Variants in CNNM1 observed in about 807,000 individuals in gnomAD.
CNNM1 encodes cyclin and CBS domain divalent metal cation transport mediator 1.
In CNNM1, 44 loss-of-function variants were observed where a neutral mutation model predicts 78.8. The observed-to-expected ratio is 0.56, with a 90% CI of 0.44 to 0.72. CNNM1 has a LOEUF of 0.72. Among genes scored for constraint, CNNM1 ranks in the 30% least tolerant of loss-of-function variants. The pLI, the probability that CNNM1 is intolerant of heterozygous loss-of-function variation, is 0.00. For synonymous variants in CNNM1, 584 were observed against 581.5 expected, an observed-to-expected ratio of 1.00 and a Z score of -0.06; for missense variants, 1,101 against 1,292.2, an observed-to-expected ratio of 0.85 and a Z score of 2.27.
Position 99,387,853 on chromosome 10 carries a change from G to C in CNNM1, c.2374G>C (p.Ala792Pro). 1 of 1,610,970 alleles carries C rather than the reference G, an allele frequency of 6.2e-7. No homozygotes were observed. The highest frequency in any genetic ancestry group is 8.5e-7 in the Non-Finnish European group (1 of 1,178,468). Reference sequence around the variant, plus strand: ...GCAGCAATATCAGAACGCACTCACTGCCTGCCACATGGACAGCTCACCTCA... The same window carrying C: ...GCAGCAATATCAGAACGCACTCACTCCCTGCCACATGGACAGCTCACCTCA... ...TRQQYQNALT[A>P]CHMDSSPQSP... Residue 792 changes from alanine to proline, a missense_variant, in exon 8 of 11, where the codon GCC becomes CCC. Transcript: ENST00000356713.
intron 6 of CNNM1, among the ~76,000 whole-genome samples, chr10:99,365,637 TG>T (rs1228616543): frequency 6.6e-6 from 1 of 152,208 alleles, no homozygotes; most frequent in Admixed American, 6.5e-5. Flanking sequence ...TTATTGCACT[TG>T]TGCTTAAAGG....
chr10:99,338,730 C>T (rs969827462), intron 1 of CNNM1, among the ~76,000 whole-genome samples: 1 of 151,980 alleles, frequency 6.6e-6, no homozygotes, highest in Non-Finnish European at 1.5e-5. Flanking sequence ...AATATTTTGT[C>T]ATATTAAAAA....
chr10:99,381,829 T>C (rs2032173588), intron 7 of CNNM1, among the ~76,000 whole-genome samples: 1 of 151,988 alleles, frequency 6.6e-6, no homozygotes, highest in Non-Finnish European at 1.5e-5. Flanking sequence ...CAAGCTCTTT[T>C]TTTTAACACA....
chr10:99,374,934 A>T (rs554509047), intron 6 of CNNM1, among the ~76,000 whole-genome samples: 46 of 152,360 alleles, frequency 3.0e-4, no homozygotes, highest in African/African-American at 1.1e-3. Flanking sequence ...GGGAGTCATG[A>T]TAGAGGAGAA....
chr10:99,338,953 TAC>T (rs1311893284), intron 1 of CNNM1, among the ~76,000 whole-genome samples: 1 of 152,234 alleles, frequency 6.6e-6, no homozygotes, highest in Non-Finnish European at 1.5e-5. Flanking sequence ...AGATTTATCA[TAC>T]TTCTTAAATT....
Position 99,329,799 on chromosome 10 carries a change from G to T in CNNM1, c.412G>T (p.Asp138Tyr), listed in dbSNP as rs900337759. ...ACCGCAGCGCTGCAGGGAGCAGAGC[G>T]ACTGGGCATCGGACGTGGAAGTCCT... ...PGPQRCREQS[D>Y]WASDVEVLGP... The change falls in exon 1 of 11, where the codon GAC becomes TAC. Residue 138 changes from aspartate (D) to tyrosine (Y), a missense_variant. Coordinates refer to ENST00000356713, the MANE Select transcript of CNNM1 (RefSeq NM_020348.3). 6 of 1,474,064 alleles carry T rather than the reference G, an allele frequency of 4.1e-6. No individual in the cohort carries two copies. The highest frequency in any genetic ancestry group is 1.5e-5 in the African/African-American group (1 of 67,970). The allele number at this position is 1,474,064 out of a possible 1,614,324, so 91.3% of individuals were successfully genotyped here. A position where few individuals can be genotyped will look rare whatever the true frequency, so the allele number is the denominator to read the frequency against.
chr10:99,388,151 G>A lies in CNNM1; in HGVS notation c.2525-1G>A, dbSNP rs1185975932. On this transcript the variant is annotated splice_acceptor_variant, in intron 8 of 10. Coordinates refer to ENST00000356713, the MANE Select transcript of CNNM1 (RefSeq NM_020348.3). LOFTEE classifies it high-confidence loss of function. ...GGTGATGCACTCACTGTCCTCCCCA[G>A]GCAGCCGCTCAGACGGGCTGAGAAG... is the stretch of plus-strand genomic sequence containing the variant. 6.2e-7 allele frequency: 1 copy of A among 1,613,798 alleles called. No individual in the cohort carries two copies. The highest frequency in any genetic ancestry group is 8.5e-7 in the Non-Finnish European group (1 of 1,179,854).
intron 7 of CNNM1, among the ~76,000 whole-genome samples, chr10:99,380,928 T>C (rs1407165239): frequency 6.6e-6 from 1 of 152,200 alleles, no homozygotes; most frequent in African/African-American, 2.4e-5. Flanking sequence ...AGTTTCAGTG[T>C]TGAAAACCCC....
chr10:99,366,730 C>A (rs965166108), intron 6 of CNNM1, among the ~76,000 whole-genome samples: 2 of 152,002 alleles, frequency 1.3e-5, no homozygotes, highest in African/African-American at 4.8e-5. Flanking sequence ...TGCAGTGAGC[C>A]AAGATCATGC....
intron 6 of CNNM1, among the ~76,000 whole-genome samples, chr10:99,370,432 C>T (rs2031761223): frequency 6.6e-6 from 1 of 152,188 alleles, no homozygotes; most frequent in Admixed American, 6.5e-5. Flanking sequence ...TATTCCTCTC[C>T]ACCTTGTGTC....
At chr10:99,379,212 G>C (rs1438653156) in intron 7 of CNNM1, among the ~76,000 whole-genome samples, 1 of 152,244 alleles carries the variant, frequency 6.6e-6, no homozygotes, top group Admixed American at 6.5e-5. Context: ...CTCTGTTCTT[G>C]GCACTGTTGA....
intron 6 of CNNM1, chr10:99,368,189 A>C (rs988742937): frequency 5.3e-6 from 1 of 189,546 alleles, no homozygotes; most frequent in Non-Finnish European, 1.1e-5. Context: ...CTTTCCATTC[A>C]GGCCTCTGAG....
At chr10:99,385,314 T>G (rs2032276226) in intron 7 of CNNM1, among the ~76,000 whole-genome samples, 1 of 152,170 alleles carries the variant, frequency 6.6e-6, no homozygotes, top group Non-Finnish European at 1.5e-5. Context: ...GTCCCTTTCC[T>G]TCTGTCCCGC....
chr10:99,377,235 G>C lies in CNNM1; in HGVS notation c.2340+17G>C. 1 of 1,611,668 alleles carries C rather than the reference G, an allele frequency of 6.2e-7. No homozygotes were observed. Among genetic ancestry groups the C allele is most frequent in the Non-Finnish European group, 8.5e-7 (1 of 1,178,256 alleles). ...TTTGTGAAGGTAACTCCCCCAGGAA[G>C]GTTATCCTCTCCCTCCCAGTGGGCA... On this transcript the variant is annotated intron_variant, in intron 7 of 10. Coordinates refer to ENST00000356713, the MANE Select transcript of CNNM1 (RefSeq NM_020348.3).
intron 1 of CNNM1, among the ~76,000 whole-genome samples, chr10:99,356,564 G>GACAGAAAGAAAGAAAGAAAGAAAAGA (rs1554940021): frequency 9.6e-4 from 94 of 98,230 alleles, no homozygotes; most frequent in African/African-American, 3.7e-3. Flanking sequence ...CAGACAGACA[G>GACAGAAAGAAAGAAAGAAAGAAAAGA]AAAGAAAGAA....
In CNNM1 at chr10:99,373,564, C is replaced by T. The variant is rs929669538; in HGVS notation, c.2177-3491C>T. Among the ~76,000 whole-genome samples, 5 of 152,208 alleles carry T rather than the reference C, an allele frequency of 3.3e-5. No individual in the cohort carries two copies. In the South Asian group the frequency reaches 6.2e-4, roughly 19 times the overall value. Reference sequence around the variant, plus strand: ...GCCAGAACTCATCAATTTGCTTTCTCTTTTCTTCTTTTTTTAATAGATTTA... The same window carrying T: ...GCCAGAACTCATCAATTTGCTTTCTTTTTTCTTCTTTTTTTAATAGATTTA... On this transcript the variant is annotated intron_variant, in intron 6 of 10. Transcript: ENST00000356713.
chr10:99,341,072 A>G (rs1000870188), intron 1 of CNNM1, among the ~76,000 whole-genome samples: 1 of 152,208 alleles, frequency 6.6e-6, no homozygotes, highest in African/African-American at 2.4e-5. Flanking sequence ...GAAAAAGTAT[A>G]GGGAGCTCTG....
At chr10:99,377,428 T>A in intron 7 of CNNM1, 1 of 401,966 alleles carries the variant, frequency 2.5e-6, no homozygotes, top group Non-Finnish European at 4.4e-6. Context: ...TCTTTTAACA[T>A]CTCCTGACCC....
At chr10:99,388,025 G>C (rs762411310) in intron 8 of CNNM1, 22 bp downstream of exon 8, 11 of 1,577,368 alleles carry the variant, frequency 7.0e-6, no homozygotes, top group Non-Finnish European at 6.9e-6. Flanking sequence ...GGGCAGACGG[G>C]CAGGCTGGGC....
Sources: allele counts gnomAD v4.1 joint callset (sites outside exome capture counted in the v4.1 genomes callset), GRCh38; gene constraint gnomAD v4.1.1; transcripts MANE v1.5; gene names NCBI Gene and HGNC (gene_info 2026-07-23, HGNC 2026-07-21).